HEATR5B: variants seen among roughly 807,000 people sequenced by gnomAD.
HEATR5B encodes HEAT repeat-containing protein 5B.
HEATR5B carries 156 observed loss-of-function variants against 224.1 expected under a neutral mutation model. That is an observed-to-expected ratio of 0.70 (90% CI 0.61 to 0.80). The LOEUF (loss-of-function observed/expected upper bound fraction) is 0.80, where lower values mean the gene tolerates loss of function less well. Ranked by LOEUF, HEATR5B falls within the 30% of genes least tolerant of loss-of-function variation. The pLI is 0.00. For synonymous variants in HEATR5B, 1,027 were observed against 893.0 expected (o/e 1.15, Z -2.68); for missense variants, 2,323 against 2,535.5 (o/e 0.92, Z 1.80).
chr2:37,020,886 G>C, intron 24 of HEATR5B, 50 bp from the exon 25 acceptor site: 2 of 1,005,364 alleles, frequency 2.0e-6, no homozygotes, highest in Non-Finnish European at 2.8e-6. Context: ...AAAAATAAGT[G>C]TAATAACATA....
At position 37,002,447 on chromosome 2, in the gene HEATR5B, G is replaced by A. The variant is rs1314364943; in HGVS notation, c.5176C>T (p.His1726Tyr). The change falls in exon 32 of 36, where the codon CAT becomes TAT. Residue 1726 changes from histidine to tyrosine, a missense_variant. By Grantham distance (83) the His-to-Tyr change is moderately conservative. Transcript: ENST00000233099. ...MELLMFILVR[H>Y]MPHLSTKVSD... Reference sequence around the variant, plus strand: ...ACCTTGGTACTGAGATGTGGCATATGCCGTACTAAAATGAACATCAGCAGC... The same window carrying A: ...ACCTTGGTACTGAGATGTGGCATATACCGTACTAAAATGAACATCAGCAGC... 19 of 1,614,116 alleles carry A rather than the reference G, an allele frequency of 1.2e-5. No individual in the cohort carries two copies. The highest frequency in any genetic ancestry group is 1.5e-5 in the Non-Finnish European group (18 of 1,180,048).
At position 37,009,504 on chromosome 2, in the gene HEATR5B, G is replaced by C. The variant is rs372279238; in HGVS notation, c.4285-656C>G. Among the ~76,000 whole-genome samples, 350 of 152,014 alleles carry C rather than the reference G, an allele frequency of 2.3e-3. 4 individuals carry two copies. The highest frequency in any genetic ancestry group is 8.0e-3 in the African/African-American group (331 of 41,478). On this transcript the variant is annotated intron_variant, in intron 27 of 35. Coordinates refer to ENST00000233099, the MANE Select transcript of HEATR5B (RefSeq NM_019024.3). Reference sequence around the variant, plus strand: ...AGGCAGAAGGATCGCTTAAGCCCAGGAGTTCAAGGTTCCAGTGAGCTATGA... The same window carrying C: ...AGGCAGAAGGATCGCTTAAGCCCAGCAGTTCAAGGTTCCAGTGAGCTATGA...
chr2:37,065,715 A>G, intron 9 of HEATR5B, 40 bp downstream of exon 9: 2 of 1,565,508 alleles, frequency 1.3e-6, no homozygotes, highest in Non-Finnish European at 1.7e-6. Context: ...ATGACTGAAA[A>G]AAGTGGAAAC....
chr2:37,041,320 T>C (rs1388165467), intron 18 of HEATR5B, 28 bp from the exon 19 acceptor site: 1 of 1,607,450 alleles, frequency 6.2e-7, no homozygotes, highest in South Asian at 1.1e-5. Flanking sequence ...CTTCAAGCAC[T>C]AACTTTGCTA....
chr2:36,990,513 TCA>T, intron 34 of HEATR5B, 133 bp downstream of exon 34: 1 of 698,278 alleles, frequency 1.4e-6, no homozygotes, highest in South Asian at 2.5e-5. Flanking sequence ...GTGATTTGTT[TCA>T]GTTTTTCCAT....
At chr2:37,048,542 T>C (rs1477056393) in intron 18 of HEATR5B, among the ~76,000 whole-genome samples, 1 of 152,068 alleles carries the variant, frequency 6.6e-6, no homozygotes, top group Non-Finnish European at 1.5e-5. Context: ...CTTCAAGAGC[T>C]TTCTAAAGAA....
intron 35 of HEATR5B, among the ~76,000 whole-genome samples, chr2:36,982,558 C>T (rs1665653693): frequency 6.6e-6 from 1 of 152,050 alleles, no homozygotes; most frequent in African/African-American, 2.4e-5. Context: ...CCCTTAATTA[C>T]TGTTAATTTT....
chr2:37,009,501 C>T (rs569009998), intron 27 of HEATR5B, among the ~76,000 whole-genome samples: 2 of 151,728 alleles, frequency 1.3e-5, no homozygotes, highest in African/African-American at 2.4e-5. Flanking sequence ...CGCTTAAGCC[C>T]AGGAGTTCAA....
intron 22 of HEATR5B, among the ~76,000 whole-genome samples, chr2:37,031,434 C>CTTT (rs35877706): frequency 7.9e-6 from 1 of 126,004 alleles, no homozygotes; most frequent in African/African-American, 2.8e-5. Flanking sequence ...TCTTTTCTTT[C>CTTT]TTTTTTTTTT....
At chr2:37,065,013 A>G (rs1262624486) in intron 9 of HEATR5B, 23 bp from the exon 10 acceptor site, 6 of 1,607,888 alleles carry the variant, frequency 3.7e-6, no homozygotes, top group Non-Finnish European at 5.1e-6. Flanking sequence ...TACTCAAAAT[A>G]TTACTCTTTA....
At chr2:37,026,383 G>T (rs1668775040) in intron 24 of HEATR5B, among the ~76,000 whole-genome samples, 1 of 152,202 alleles carries the variant, frequency 6.6e-6, no homozygotes, top group Non-Finnish European at 1.5e-5. Context: ...AACCAAGTTT[G>T]TGGGCATTTG....
intron 17 of HEATR5B, among the ~76,000 whole-genome samples, chr2:37,052,988 A>G (rs910708992): frequency 2.6e-5 from 4 of 152,264 alleles, no homozygotes; most frequent in African/African-American, 9.6e-5. Context: ...AAAACTGCAG[A>G]TAAGGAAGGG....
intron 5 of HEATR5B, among the ~76,000 whole-genome samples, chr2:37,074,970 T>C (rs1672135576): frequency 6.6e-6 from 1 of 152,230 alleles, no homozygotes. Context: ...CTAGTAGAAA[T>C]GCAGAATGGC....
intron 30 of HEATR5B, 39 bp downstream of exon 30, chr2:37,005,593 A>T (rs1667360175): frequency 6.3e-7 from 1 of 1,592,972 alleles, no homozygotes; most frequent in East Asian, 2.2e-5. Flanking sequence ...ATACTCAAAA[A>T]AAAACCACAC....
At position 37,065,750 on chromosome 2, in the gene HEATR5B, C is replaced by T. The variant is rs1355708881; in HGVS notation, c.1333+5G>A. ...CACATACTAGCAAGTAACTGAATGT[C>T]ATACCTATAGATGCTTCTTGAATAA... On this transcript the variant is annotated splice_donor_5th_base_variant and intron_variant, in intron 9 of 35. Coordinates refer to ENST00000233099, the MANE Select transcript of HEATR5B (RefSeq NM_019024.3). 1.9e-6 allele frequency: 3 copies of T among 1,607,964 alleles called. No individual in the cohort carries two copies. The highest frequency in any genetic ancestry group is 1.1e-5 in the South Asian group (1 of 90,150).
chr2:36,982,447 A>T (rs534032639), intron 35 of HEATR5B, among the ~76,000 whole-genome samples: 7 of 152,342 alleles, frequency 4.6e-5, no homozygotes, highest in Non-Finnish European at 1.0e-4. Context: ...ATCCTGGGAT[A>T]TAAGTTTCAT....
intron 33 of HEATR5B, among the ~76,000 whole-genome samples, chr2:36,999,135 C>A (rs1000826273): frequency 6.6e-6 from 1 of 151,882 alleles, no homozygotes; most frequent in Admixed American, 6.6e-5. Flanking sequence ...ATTGCTTGAA[C>A]TGGGACCTGG....
chr2:37,077,585 G>GGA (rs1468652539), intron 3 of HEATR5B, among the ~76,000 whole-genome samples: 1 of 152,248 alleles, frequency 6.6e-6, no homozygotes, highest in African/African-American at 2.4e-5. Context: ...TGGGATTACA[G>GGA]GCGTGAGCCA....
chr2:37,080,589 A>T (rs562390658), intron 2 of HEATR5B, among the ~76,000 whole-genome samples: 1 of 152,272 alleles, frequency 6.6e-6, no homozygotes, highest in East Asian at 1.9e-4. Flanking sequence ...ATTTCCTGAG[A>T]TAGAGAACAT....
Sources: gnomAD v4.1 joint callset for allele counts (sites outside exome capture counted in the v4.1 genomes callset) on GRCh38, gnomAD v4.1.1 for gene constraint, MANE v1.5 for transcripts, NCBI Gene and HGNC (gene_info 2026-07-23, HGNC 2026-07-21) for gene names.